The following PIK3CA variants were observed in gnomAD, a reference collection of about 807,000 sequenced individuals.
PIK3CA encodes the protein phosphatidylinositol-4,5-bisphosphate 3-kinase catalytic subunit alpha.
In PIK3CA, 27 loss-of-function variants were observed where a neutral mutation model predicts 138.2. The ratio of observed to expected loss-of-function variants is 0.20; its 90% CI spans 0.14 to 0.27. PIK3CA has a LOEUF of 0.27. Among genes scored for constraint, PIK3CA ranks in the 10% least tolerant of loss-of-function variants. The probability of loss-of-function intolerance (pLI) is 1.00; values close to 1 mark genes in which losing one functional copy is unlikely to be tolerated. For missense variants in PIK3CA, 544 were observed against 1,277.4 expected (o/e 0.43, Z 8.75); for synonymous variants, 358 against 413.2 (o/e 0.87, Z 1.62).
At chr3:179,196,629 G>A (rs1487738372) in intron 1 of PIK3CA, among the ~76,000 whole-genome samples, 3 of 152,128 alleles carry the variant, frequency 2.0e-5, no homozygotes, top group Non-Finnish European at 4.4e-5. Context: ...GGCTAAAAAG[G>A]CTAATAATTT....
intron 6 of PIK3CA, among the ~76,000 whole-genome samples, chr3:179,207,080 T>C (rs1480363979): frequency 6.6e-6 from 1 of 152,144 alleles, no homozygotes; most frequent in Non-Finnish European, 1.5e-5. Context: ...TTAAGTAAAC[T>C]TTTTAAACTT....
At chr3:179,151,578 T>C (rs1327994532) in intron 1 of PIK3CA, among the ~76,000 whole-genome samples, 2 of 152,160 alleles carry the variant, frequency 1.3e-5, no homozygotes, top group African/African-American at 4.8e-5. Context: ...GTTATCTGTG[T>C]TTTGTTTTGT....
At position 179,237,542 on chromosome 3, in the gene PIK3CA, T is replaced by G. The variant is rs1445403255; in HGVS notation, c.*3178T>G. Reference sequence around the variant, plus strand: ...TTAATCAGGAAAATGATGACTTGATTAGACTGTATATGCCCTCTTGGATTT... The same window carrying G: ...TTAATCAGGAAAATGATGACTTGATGAGACTGTATATGCCCTCTTGGATTT... On this transcript the variant is annotated 3_prime_UTR_variant, in exon 21 of 21. Transcript: ENST00000263967. The G allele has an allele frequency of 4.8e-6, 1 of 207,584 alleles. No homozygotes were observed. The highest frequency in any genetic ancestry group is 9.8e-6 in the Non-Finnish European group (1 of 101,800). The allele number at this position is 207,584 out of a possible 1,614,324, so 12.9% of individuals were successfully genotyped here. A position where few individuals can be genotyped will look rare whatever the true frequency, so the allele number is the denominator to read the frequency against.
chr3:179,230,227 G>C lies in PIK3CA; in HGVS notation c.2787G>C (p.Leu929=), dbSNP rs945521388. Residue 929 remains leucine, a splice_region_variant and synonymous_variant, in exon 20 of 21, where the codon CTG becomes CTC. Coordinates refer to ENST00000263967, the MANE Select transcript of PIK3CA (RefSeq NM_006218.4). The surrounding 1 kb of genome is among the most constrained non-coding windows in gnomAD (Gnocchi z 5.4). The part of the protein sequence containing the change: ...SNIMVKDDGQ[L]FHIDFGHFLD... Reference sequence around the variant, plus strand: ...ACATAATTTCTTATTTTTGAAAGCTGTTTCATATAGATTTTGGACACTTTT... The same window carrying C: ...ACATAATTTCTTATTTTTGAAAGCTCTTTCATATAGATTTTGGACACTTTT... The C allele has an allele frequency of 1.2e-6, 2 of 1,601,336 alleles. No homozygotes were observed. Among genetic ancestry groups the C allele is most frequent in the Non-Finnish European group, 1.7e-6 (2 of 1,173,236 alleles).
chr3:179,150,321 ATAGT>A (rs1722984115), intron 1 of PIK3CA, among the ~76,000 whole-genome samples: 2 of 152,214 alleles, frequency 1.3e-5, no homozygotes, highest in Non-Finnish European at 2.9e-5. Flanking sequence ...AAATCACAAA[ATAGT>A]TTATTTAAAA....
At chr3:179,227,194 T>C (rs1725103213) in intron 17 of PIK3CA, among the ~76,000 whole-genome samples, 1 of 152,096 alleles carries the variant, frequency 6.6e-6, no homozygotes, top group South Asian at 2.1e-4. Flanking sequence ...TAAGTAAAAA[T>C]TTTATTTCAA....
At chr3:179,192,744 TA>T (rs1437052249) in intron 1 of PIK3CA, among the ~76,000 whole-genome samples, 1 of 152,230 alleles carries the variant, frequency 6.6e-6, no homozygotes, top group Non-Finnish European at 1.5e-5. Flanking sequence ...TGTGTTCCAA[TA>T]AAACTTTATT....
chr3:179,219,130 T>TTA lies in PIK3CA; in HGVS notation c.1665-65_1665-64dup. 1 of 918,074 alleles carries TTA rather than the reference T, an allele frequency of 1.1e-6. No homozygotes were observed. The highest frequency in any genetic ancestry group is 1.8e-6 in the Non-Finnish European group (1 of 567,950). 56.9% of individuals were successfully genotyped at this position (918,074 alleles called of 1,614,324 possible). ...TCTTAAGAAGATTCATATGGAGAAG[T>TTA]TAGACATGTCAACCTTTTGAACAGC... On this transcript the variant is annotated intron_variant, in intron 10 of 20. Transcript: ENST00000263967. The surrounding 1 kb of genome is among the most constrained non-coding windows in gnomAD (Gnocchi z 4.2).
chr3:179,233,231 G>A, intron 20 of PIK3CA: 1 of 397,560 alleles, frequency 2.5e-6, no homozygotes, highest in Non-Finnish European at 4.4e-6. Flanking sequence ...AACAGCTATA[G>A]TTTGACTTCC....
intron 1 of PIK3CA, among the ~76,000 whole-genome samples, chr3:179,170,076 G>GCACA (rs60084117): frequency 0.35 from 48,772 of 139,132 alleles, 8,824 homozygotes; most frequent in East Asian, 0.6. Flanking sequence ...ACGCGCGCGC[G>GCACA]CACACACACA....
chr3:179,170,217 G>A (rs930718910), intron 1 of PIK3CA, among the ~76,000 whole-genome samples: 2 of 152,166 alleles, frequency 1.3e-5, no homozygotes, highest in African/African-American at 2.4e-5. Flanking sequence ...TTCATATTAC[G>A]AATAATTCAA....
At chr3:179,185,635 G>C (rs1723960167) in intron 1 of PIK3CA, among the ~76,000 whole-genome samples, 1 of 152,154 alleles carries the variant, frequency 6.6e-6, no homozygotes, top group South Asian at 2.1e-4. Context: ...TGTTTTACTT[G>C]TGCTTCTGAC....
At position 179,236,238 on chromosome 3, in the gene PIK3CA, A is replaced by G. The variant is rs1725330973; in HGVS notation, c.*1874A>G. On this transcript the variant is annotated 3_prime_UTR_variant, in exon 21 of 21. Transcript: ENST00000263967. ...ATTTAGGTATTTCACTAAAGCATGT[A>G]TATAATATTGCCAACAAGAAAAGTA... 1 of 206,026 alleles carries G rather than the reference A, an allele frequency of 4.9e-6. No individual in the cohort carries two copies. Among genetic ancestry groups the G allele is most frequent in the Non-Finnish European group, 9.9e-6 (1 of 100,800 alleles). 12.8% of individuals were successfully genotyped at this position (206,026 alleles called of 1,614,324 possible). A position where few individuals can be genotyped will look rare whatever the true frequency, so the allele number is the denominator to read the frequency against.
chr3:179,170,422 C>A (rs1043453265), intron 1 of PIK3CA, among the ~76,000 whole-genome samples: 1 of 152,132 alleles, frequency 6.6e-6, no homozygotes, highest in Non-Finnish European at 1.5e-5. Flanking sequence ...TATAGAAATA[C>A]GTTTGTTCAT....
chr3:179,216,868 C>T (rs541269290), intron 9 of PIK3CA, among the ~76,000 whole-genome samples: 3 of 152,038 alleles, frequency 2.0e-5, no homozygotes, highest in African/African-American at 4.8e-5. Context: ...CCTGATAAAT[C>T]GAGGATTGAG....
At chr3:179,222,012 G>T (rs1399653948) in intron 14 of PIK3CA, among the ~76,000 whole-genome samples, 5 of 151,574 alleles carry the variant, frequency 3.3e-5, no homozygotes, top group African/African-American at 1.2e-4. Context: ...CTAGCCCAAT[G>T]TAAACTTTTT....
At chr3:179,214,375 G>T (rs1006048535) in intron 9 of PIK3CA, among the ~76,000 whole-genome samples, 17 of 152,130 alleles carry the variant, frequency 1.1e-4, no homozygotes, top group African/African-American at 4.1e-4. Flanking sequence ...TTTCAATATT[G>T]TTGTGTCTCA....
Position 179,238,380 on chromosome 3 carries a change from G to T in PIK3CA, c.*4016G>T, listed in dbSNP as rs1404803772. ...CTATGTGCCATGGCCTGGGAAGCCT[G>T]CTTTCTTTTTTCATAAAAATTATTT... On this transcript the variant is annotated 3_prime_UTR_variant, in exon 21 of 21. Transcript: ENST00000263967. The T allele has an allele frequency of 4.6e-6, 1 of 217,054 alleles. No individual in the cohort carries two copies. The highest frequency in any genetic ancestry group is 2.3e-5 in the African/African-American group (1 of 44,384). 13.4% of individuals were successfully genotyped at this position (217,054 alleles called of 1,614,324 possible).
rs869312614 is a variant in PIK3CA, at chr3:179,208,640, A to G, written c.1146-955A>G. On this transcript the variant is annotated intron_variant, in intron 6 of 20. Coordinates refer to ENST00000263967, the MANE Select transcript of PIK3CA (RefSeq NM_006218.4). ...TGTTTATTGTATGTGGTTCTTTACA[A>G]ATATGTTCACCAAAGACAGACATAA... Among the ~76,000 whole-genome samples the G allele has an allele frequency of 7.9e-5, 12 of 152,156 alleles. No individual in the cohort carries two copies. Among genetic ancestry groups the G allele is most frequent in the Admixed American group, 2.0e-4 (3 of 15,268 alleles).
Sources: gnomAD v4.1 joint callset for allele counts (sites outside exome capture counted in the v4.1 genomes callset) on GRCh38, gnomAD v4.1.1 for gene constraint, Gnocchi (gnomAD v3.1) non-coding constraint, MANE v1.5 for transcripts, NCBI Gene and HGNC (gene_info 2026-07-23, HGNC 2026-07-21) for gene names.